GPATCH2L: variants seen among roughly 807,000 people sequenced by gnomAD.
GPATCH2L encodes the protein G patch domain-containing protein 2-like.
GPATCH2L carries 31 observed loss-of-function variants against 57.4 expected under a neutral mutation model. The observed-to-expected ratio is 0.54, with a 90% CI of 0.41 to 0.73. The LOEUF (loss-of-function observed/expected upper bound fraction) is 0.73. GPATCH2L is among the 30% of genes least tolerant of loss of function. The pLI, the probability that GPATCH2L is intolerant of heterozygous loss-of-function variation, is 0.00. For missense variants in GPATCH2L, 481 were observed against 599.9 expected (o/e 0.80, Z 2.07); for synonymous variants, 199 against 210.7 (o/e 0.94, Z 0.48).
At chr14:76,173,860 A>G in intron 5 of GPATCH2L, 1 of 525,492 alleles carries the variant, frequency 1.9e-6, no homozygotes, top group Admixed American at 3.2e-5. Context: ...CACTGTCATT[A>G]CAGTGTCTAT....
intron 6 of GPATCH2L, 87 bp downstream of exon 6, chr14:76,176,777 A>G: frequency 1.2e-6 from 1 of 830,268 alleles, no homozygotes; most frequent in South Asian, 1.4e-5. Context: ...CTTAGAAATC[A>G]GGCTTCAGAG....
intron 2 of GPATCH2L, among the ~76,000 whole-genome samples, chr14:76,230,692 T>C (rs28700045): frequency 0.19 from 29,279 of 152,148 alleles, 3,708 homozygotes; most frequent in African/African-American, 0.36. Flanking sequence ...TCTTGGTTGC[T>C]TCCAAGATCA....
chr14:76,159,209 C>T (rs2038454535), intron 2 of GPATCH2L, among the ~76,000 whole-genome samples: 1 of 152,188 alleles, frequency 6.6e-6, no homozygotes, highest in South Asian at 2.1e-4. Context: ...TGCTGCGATT[C>T]TTTTCAGTCA....
chr14:76,206,086 TCTTGTCAGCTG>T lies in GPATCH2L; in HGVS notation c.*4239_*4249del, dbSNP rs2040372899. Reference sequence around the variant, plus strand: ...TGGAGGGATGGTAAAAGCAGTTAGCTCTTGTCAGCTGCTTCCCTCTGCTAGTGCTTGAGCTG... The same window carrying T: ...TGGAGGGATGGTAAAAGCAGTTAGCTCTTCCCTCTGCTAGTGCTTGAGCTG... On this transcript the variant is annotated 3_prime_UTR_variant, in exon 10 of 10. Coordinates refer to ENST00000261530, the MANE Select transcript of GPATCH2L (RefSeq NM_017926.4). 6.6e-6 allele frequency: 1 copy of T among 152,442 alleles called. No homozygotes were observed. Among genetic ancestry groups the T allele is most frequent in the South Asian group, 2.1e-4 (1 of 4,834 alleles). 9.4% of individuals were successfully genotyped at this position (152,442 alleles called of 1,614,324 possible).
rs2040451962 is a variant in GPATCH2L at position 76,212,418 on chromosome 14, AAAAAC to A, written c.*10568_*10572del. ...AGGAACCGGAAAAAAAAAAACCAAAAAAAACCACGACATAATGCTAAAGGGTGTGA... is the reference window on the plus strand; with the variant it reads ...AGGAACCGGAAAAAAAAAAACCAAAACACGACATAATGCTAAAGGGTGTGA... On this transcript the variant is annotated 3_prime_UTR_variant, in exon 10 of 10. Transcript: ENST00000261530. 1 of 152,076 alleles carries A rather than the reference AAAAAC, an allele frequency of 6.6e-6. No individual in the cohort carries two copies. Among genetic ancestry groups the A allele is most frequent in the Non-Finnish European group, 1.5e-5 (1 of 68,010 alleles). The allele number at this position is 152,076 out of a possible 1,614,324, so 9.4% of individuals were successfully genotyped here.
At chr14:76,191,103 G>C (rs1024995168) in intron 8 of GPATCH2L, among the ~76,000 whole-genome samples, 8 of 152,026 alleles carry the variant, frequency 5.3e-5, no homozygotes, top group Non-Finnish European at 4.4e-5. Context: ...CTCTGTGTTG[G>C]TGAGAAAGGG....
chr14:76,219,646 T>C (rs1490985063), intron 1 of GPATCH2L, among the ~76,000 whole-genome samples: 3 of 152,150 alleles, frequency 2.0e-5, no homozygotes, highest in Admixed American at 1.3e-4. Flanking sequence ...TGGGGAGTAA[T>C]ACACAAGATG....
At chr14:76,223,512 C>T (rs1457206080) in intron 1 of GPATCH2L, among the ~76,000 whole-genome samples, 1 of 152,060 alleles carries the variant, frequency 6.6e-6, no homozygotes, top group African/African-American at 2.4e-5. Flanking sequence ...TCTTCATGAC[C>T]TTGGATGAGG....
At chr14:76,159,870 C>T (rs547604708) in intron 2 of GPATCH2L, among the ~76,000 whole-genome samples, 169 of 152,308 alleles carry the variant, frequency 1.1e-3, no homozygotes, top group African/African-American at 3.8e-3. Flanking sequence ...TGGTGGCTCA[C>T]GCCTGTAATC....
At chr14:76,228,960 A>G (rs1278278880) in intron 1 of GPATCH2L, among the ~76,000 whole-genome samples, 1 of 152,202 alleles carries the variant, frequency 6.6e-6, no homozygotes, top group Admixed American at 6.5e-5. Flanking sequence ...TGTCCTGAAA[A>G]TAAGAGGCTT....
Position 76,201,917 on chromosome 14 carries a change from A to G in GPATCH2L, c.*66A>G. ...TGAAGCAAATGTTGGACTTTGTGTT[A>G]GATAGTCTTGCATATCTTAATCGAC... On this transcript the variant is annotated 3_prime_UTR_variant, in exon 10 of 10. Coordinates refer to ENST00000261530, the MANE Select transcript of GPATCH2L (RefSeq NM_017926.4). 1 of 1,417,320 alleles carries G rather than the reference A, an allele frequency of 7.1e-7. No homozygotes were observed. The highest frequency in any genetic ancestry group is 1.3e-5 in the South Asian group (1 of 79,486). The allele number at this position is 1,417,320 out of a possible 1,614,324, so 87.8% of individuals were successfully genotyped here. A position where few individuals can be genotyped will look rare whatever the true frequency, so the allele number is the denominator to read the frequency against.
chr14:76,157,276 C>T (rs1368472663), intron 2 of GPATCH2L, among the ~76,000 whole-genome samples: 1 of 152,182 alleles, frequency 6.6e-6, no homozygotes, highest in East Asian at 1.9e-4. Context: ...GATTCTTACT[C>T]TTTGACTGAA....
intron 3 of GPATCH2L, 37 bp downstream of exon 3, chr14:76,166,764 GT>G: frequency 2.2e-6 from 3 of 1,369,078 alleles, no homozygotes; most frequent in Non-Finnish European, 3.1e-6. Context: ...TTGGTTCCGT[GT>G]TTATGGAAAT....
intron 6 of GPATCH2L, among the ~76,000 whole-genome samples, 188 bp downstream of exon 6, chr14:76,176,878 C>T (rs1016926292): frequency 6.6e-6 from 1 of 152,266 alleles, no homozygotes; most frequent in East Asian, 1.9e-4. Context: ...CCTTTCTAGA[C>T]TAGTTTCACT....
At chr14:76,232,417 A>G (rs2040576509) in intron 2 of GPATCH2L, among the ~76,000 whole-genome samples, 2 of 152,070 alleles carry the variant, frequency 1.3e-5, no homozygotes, top group African/African-American at 4.8e-5. Context: ...CTCCTGCCTC[A>G]GCCTCCTGAG....
Position 76,212,955 on chromosome 14 carries a change from T to C in GPATCH2L, c.*11104T>C, listed in dbSNP as rs1340906893. ...CAAAGTATTAAAAAAACATTTCATA[T>C]CTAAAATATAAACTTGTTCCTCTGA... On this transcript the variant is annotated 3_prime_UTR_variant, in exon 10 of 10. Coordinates refer to ENST00000261530, the MANE Select transcript of GPATCH2L (RefSeq NM_017926.4). 6.6e-6 allele frequency: 1 copy of C among 152,122 alleles called. No homozygotes were observed. The highest frequency in any genetic ancestry group is 1.9e-4 in the East Asian group (1 of 5,196). 9.4% of individuals were successfully genotyped at this position (152,122 alleles called of 1,614,324 possible). A position where few individuals can be genotyped will look rare whatever the true frequency, so the allele number is the denominator to read the frequency against.
At chr14:76,159,855 G>A (rs1229538177) in intron 2 of GPATCH2L, among the ~76,000 whole-genome samples, 7 of 152,172 alleles carry the variant, frequency 4.6e-5, no homozygotes, top group African/African-American at 7.2e-5. Flanking sequence ...TACTCAGGCC[G>A]GGCGTGGTGG....
chr14:76,178,602 A>G (rs2039433989), intron 7 of GPATCH2L: 1 of 176,216 alleles, frequency 5.7e-6, no homozygotes, highest in Admixed American at 5.9e-5. Context: ...GTGATGGGAA[A>G]CAATGACAGA....
chr14:76,199,627 C>G (rs2040256720), intron 9 of GPATCH2L, among the ~76,000 whole-genome samples: 1 of 152,144 alleles, frequency 6.6e-6, no homozygotes, highest in Non-Finnish European at 1.5e-5. Flanking sequence ...ACTTCCTGCT[C>G]ATTAGGATGG....
Sources: allele counts gnomAD v4.1 joint callset (sites outside exome capture counted in the v4.1 genomes callset), GRCh38; gene constraint gnomAD v4.1.1; transcripts MANE v1.5; gene names NCBI Gene and HGNC (gene_info 2026-07-23, HGNC 2026-07-21).